The following CLIC5 variants were observed in gnomAD, a reference collection of about 807,000 sequenced individuals.
CLIC5 encodes CLIC family member 5, also known as chloride intracellular channel protein 5.
A neutral mutation model predicts 24.7 loss-of-function variants in CLIC5; 20 were observed. That is an observed-to-expected ratio of 0.81 (90% CI 0.57 to 1.18). The LOEUF (loss-of-function observed/expected upper bound fraction) is 1.18. Among genes scored for constraint, CLIC5 ranks in the 50% most tolerant of loss-of-function variants. The pLI is 0.00. For synonymous variants in CLIC5, 159 were observed against 135.6 expected, an observed-to-expected ratio of 1.17 and a Z score of -1.20; for missense variants, 341 against 326.1, an observed-to-expected ratio of 1.05 and a Z score of -0.35.
chr6:45,914,486 T>C, intron 4 of CLIC5, 77 bp from the exon 5 acceptor site: 1 of 1,396,348 alleles, frequency 7.2e-7, no homozygotes, highest in South Asian at 2.0e-5. Context: ...CAGAGTGGAG[T>C]AGCTCATCTA....
intron 1 of CLIC5, among the ~76,000 whole-genome samples, chr6:45,976,543 G>A (rs561372188): frequency 2.2e-4 from 33 of 152,282 alleles, no homozygotes; most frequent in African/African-American, 7.2e-4. Flanking sequence ...ATTTAATAAA[G>A]GTTGGTGCAA....
At chr6:46,093,457 C>A in the CLIC5 span, among the ~76,000 whole-genome samples, 1 of 152,176 alleles carries the variant, frequency 6.6e-6, no homozygotes, top group Non-Finnish European at 1.5e-5. Context: ...ATGACTGATT[C>A]ATGGACCACA....
At chr6:45,895,538 G>A (rs76699892), downstream of CLIC5, among the ~76,000 whole-genome samples, 562 of 152,264 alleles carry the variant, frequency 3.7e-3, 7 homozygotes, top group African/African-American at 0.013. Flanking sequence ...ATGGTACAGT[G>A]GGTGTCAGGG....
In CLIC5 at chr6:45,900,949, G is replaced by T. The variant is rs150259522; in HGVS notation, c.*2139C>A. The T allele has an allele frequency of 6.6e-6, 1 of 152,256 alleles. No homozygotes were observed. Among genetic ancestry groups the T allele is most frequent in the Non-Finnish European group, 1.5e-5 (1 of 68,020 alleles). The allele number at this position is 152,256 out of a possible 1,614,324, so 9.4% of individuals were successfully genotyped here. A position where few individuals can be genotyped will look rare whatever the true frequency, so the allele number is the denominator to read the frequency against. ...GGTGGAGTGGCCTCACCGGAGGCTT[G>T]GTTCTGTTTTCTCTGTGGCAATTGG... On this transcript the variant is annotated 3_prime_UTR_variant, in exon 6 of 6. Coordinates refer to ENST00000339561, the MANE Select transcript of CLIC5 (RefSeq NM_016929.5).
chr6:45,909,014 A>G (rs1397914308), intron 5 of CLIC5, among the ~76,000 whole-genome samples: 1 of 146,238 alleles, frequency 6.8e-6, no homozygotes, highest in African/African-American at 2.5e-5. Flanking sequence ...TCACCCCTTT[A>G]CTATTATGTA....
rs1766568213 is a variant in CLIC5, at chr6:46,006,130, AT to A, written c.63+9349del. Among the ~76,000 whole-genome samples, 3 of 15,336 alleles carry A rather than the reference AT, an allele frequency of 2.0e-4. No homozygotes were observed. The South Asian group carries it at 7.6e-3, about 39-fold the overall frequency. The allele number at this position is 15,336 out of a possible 152,430, so 10.1% of individuals were successfully genotyped here. Reference sequence around the variant, plus strand: ...TATATATACACATGTATAAATACATATATATATATATATATATATATATATA... The same window carrying A: ...TATATATACACATGTATAAATACATAATATATATATATATATATATATATA... On this transcript the variant is annotated intron_variant, in intron 1 of 5. Coordinates refer to ENST00000339561, the MANE Select transcript of CLIC5 (RefSeq NM_016929.5).
At chr6:46,120,214 G>C in the CLIC5 span, among the ~76,000 whole-genome samples, 2 of 152,150 alleles carry the variant, frequency 1.3e-5, no homozygotes, top group Admixed American at 1.3e-4. Context: ...CACACGGCCG[G>C]GTACTCCTCT....
chr6:45,962,669 A>G (rs1764890222), intron 1 of CLIC5, among the ~76,000 whole-genome samples: 1 of 152,182 alleles, frequency 6.6e-6, no homozygotes, highest in Non-Finnish European at 1.5e-5. Flanking sequence ...AGCTCACCAG[A>G]TGGTTTTGTA....
At chr6:46,060,788 T>C (rs942847731) in intron 1 of CLIC5, among the ~76,000 whole-genome samples, 1 of 152,176 alleles carries the variant, frequency 6.6e-6, no homozygotes, top group African/African-American at 2.4e-5. Flanking sequence ...TCCAGTCCTG[T>C]TCCATCTCTG....
At chr6:45,954,099 C>T (rs971285840) in intron 2 of CLIC5, among the ~76,000 whole-genome samples, 1 of 151,688 alleles carries the variant, frequency 6.6e-6, no homozygotes, top group Non-Finnish European at 1.5e-5. Flanking sequence ...GATGGTGAAA[C>T]CCCGTCTCTA....
intron 1 of CLIC5, among the ~76,000 whole-genome samples, chr6:46,071,232 T>C (rs1293857918): frequency 1.3e-5 from 2 of 152,096 alleles, no homozygotes; most frequent in Non-Finnish European, 2.9e-5. Flanking sequence ...AAATGGGATC[T>C]AATTAAACTA....
upstream of CLIC5, among the ~76,000 whole-genome samples, chr6:46,017,710 C>G (rs1346195009): frequency 6.6e-6 from 1 of 152,162 alleles, no homozygotes; most frequent in Non-Finnish European, 1.5e-5. Flanking sequence ...GCTATACAAG[C>G]TGTCACGTAA....
At chr6:46,107,502 G>A in the CLIC5 span, among the ~76,000 whole-genome samples, 1 of 151,988 alleles carries the variant, frequency 6.6e-6, no homozygotes, top group Admixed American at 6.6e-5. Context: ...ACAAAATAAG[G>A]TTACCAAAAT....
chr6:46,051,634 T>C (rs1768104658), intron 1 of CLIC5, among the ~76,000 whole-genome samples: 1 of 152,230 alleles, frequency 6.6e-6, no homozygotes, highest in African/African-American at 2.4e-5. Context: ...CTCAAATGTC[T>C]TTTCCCTTTC....
chr6:45,955,083 G>A lies in CLIC5; in HGVS notation c.173+52C>T. 9 of 1,381,448 alleles carry A rather than the reference G, an allele frequency of 6.5e-6. 1 individual carries two copies. In the Middle Eastern group the frequency reaches 1.6e-3, roughly 249 times the overall value. The allele number at this position is 1,381,448 out of a possible 1,614,324, so 85.6% of individuals were successfully genotyped here. ...AGGCTTTTGCCCTCCTTCATGGAAG[G>A]TTCTCTGTTCATGCAGCTAAACATA... On this transcript the variant is annotated intron_variant, in intron 2 of 5. Coordinates refer to ENST00000339561, the MANE Select transcript of CLIC5 (RefSeq NM_016929.5).
chr6:45,955,134 C>A lies in CLIC5; in HGVS notation c.173+1G>T. On this transcript the variant is annotated splice_donor_variant, in intron 2 of 5. Transcript: ENST00000339561. LOFTEE classifies it high-confidence loss of function. ...CTCCTCATTTATGCAACGTACGTTA[C>A]CTTTTCAGATCCACAGTGGTGACAT... 6.2e-7 allele frequency: 1 copy of A among 1,607,868 alleles called. No homozygotes were observed. Among genetic ancestry groups the A allele is most frequent in the Non-Finnish European group, 8.5e-7 (1 of 1,174,530 alleles).
rs114499898 is a variant in CLIC5, at chr6:45,993,860, C to T, written c.63+21620G>A. On this transcript the variant is annotated intron_variant, in intron 1 of 5. Transcript: ENST00000339561. The stretch of plus-strand genomic sequence containing the variant: ...CGAATTCTTTCTATAGCAAGCCCTG[C>T]GGAAATCATTCAGCCTCTGTTAAAA... Among the ~76,000 whole-genome samples, 1,110 of 152,292 alleles carry T rather than the reference C, an allele frequency of 7.3e-3. 7 individuals are homozygous for T. The highest frequency in any genetic ancestry group is 0.013 in the Non-Finnish European group (858 of 68,026).
intron 1 of CLIC5, among the ~76,000 whole-genome samples, chr6:46,056,428 C>T (rs763124785): frequency 3.7e-4 from 57 of 152,218 alleles, no homozygotes; most frequent in Non-Finnish European, 6.9e-4. Context: ...GATGCCAGAA[C>T]CATCTCCACC....
intron 1 of CLIC5, among the ~76,000 whole-genome samples, chr6:46,078,445 G>C (rs1247230952): frequency 6.6e-6 from 1 of 152,122 alleles, no homozygotes; most frequent in Non-Finnish European, 1.5e-5. Flanking sequence ...GAATGCACCT[G>C]TTCTAACATC....
Sources: gnomAD v4.1 joint callset for allele counts (sites outside exome capture counted in the v4.1 genomes callset) on GRCh38, gnomAD v4.1.1 for gene constraint, MANE v1.5 for transcripts, NCBI Gene and HGNC (gene_info 2026-07-23, HGNC 2026-07-21) for gene names.